The following TUBA4B variants were observed in gnomAD, a reference collection of about 807,000 sequenced individuals.
The protein encoded by TUBA4B is tubulin alpha 4b.
TUBA4B carries 13 observed loss-of-function variants against 18.4 expected under a neutral mutation model. That is an observed-to-expected ratio of 0.71 (90% confidence interval 0.46 to 1.12). The LOEUF (loss-of-function observed/expected upper bound fraction) is 1.12. TUBA4B is among the 50% of genes most tolerant of loss of function. The pLI is 0.00. For missense variants in TUBA4B, 244 were observed against 250.0 expected (o/e 0.98, Z 0.16); for synonymous variants, 101 against 99.1 (o/e 1.02, Z -0.11).
At chr2:219,263,924 T>A (rs1057058982) in intron 1 of TUBA4B, among the ~76,000 whole-genome samples, 1 of 152,188 alleles carries the variant, frequency 6.6e-6, no homozygotes, top group Non-Finnish European at 1.5e-5. Context: ...ACTTCCTGGA[T>A]AGGGTTGCTA....
At chr2:219,261,375 C>T (rs1951758724) in intron 1 of TUBA4B, among the ~76,000 whole-genome samples, 1 of 152,202 alleles carries the variant, frequency 6.6e-6, no homozygotes, top group South Asian at 2.1e-4. Flanking sequence ...AGCGCCCTAG[C>T]AGACTTCCCC....
intron 2 of TUBA4B, among the ~76,000 whole-genome samples, chr2:219,269,372 C>T (rs1279202636): frequency 6.6e-6 from 1 of 152,146 alleles, no homozygotes; most frequent in Non-Finnish European, 1.5e-5. Flanking sequence ...AGGCACTGAG[C>T]AAGAGTCTAT....
Position 219,272,110 on chromosome 2 carries a change from A to G in TUBA4B, c.*411A>G. ...AAGGAGGTGGGCATGGATAGTGTGG[A>G]GTGGGGGGAAGAAAAGATAGGGGGG... On this transcript the variant is annotated 3_prime_UTR_variant, in exon 4 of 4. Coordinates refer to ENST00000490341, the MANE Select transcript of TUBA4B (RefSeq NM_001355221.1). The G allele has an allele frequency of 1.2e-6, 1 of 859,254 alleles. No individual in the cohort carries two copies. 53.2% of individuals were successfully genotyped at this position (859,254 alleles called of 1,614,324 possible).
At chr2:219,253,512 G>A in intron 1 of TUBA4B, 93 bp downstream of exon 1, 1 of 1,079,042 alleles carries the variant, frequency 9.3e-7, no homozygotes, top group Non-Finnish European at 1.4e-6. Flanking sequence ...AGCCAAACCC[G>A]TCTTCTTTTG....
chr2:219,253,777 G>A (rs905974436), intron 1 of TUBA4B: 4 of 1,505,830 alleles, frequency 2.7e-6, no homozygotes, highest in African/African-American at 2.8e-5. Flanking sequence ...GGAGGTCCCC[G>A]AGCATGCCTG....
At chr2:219,253,770 G>A in intron 1 of TUBA4B, 1 of 1,472,828 alleles carries the variant, frequency 6.8e-7, no homozygotes. Context: ...GCCCGGTGGA[G>A]GTCCCCGAGC....
intron 1 of TUBA4B, among the ~76,000 whole-genome samples, chr2:219,257,393 A>C (rs1951728186): frequency 7.7e-6 from 1 of 129,056 alleles, no homozygotes; most frequent in African/African-American, 3.0e-5. Context: ...ATGTAATTCC[A>C]GCACTTTGGG....
Position 219,271,777 on chromosome 2 carries a change from G to A in TUBA4B, c.*78G>A. 6 of 1,608,582 alleles carry A rather than the reference G, an allele frequency of 3.7e-6. No individual in the cohort carries two copies. Among genetic ancestry groups the A allele is most frequent in the Admixed American group, 1.7e-5 (1 of 60,018 alleles). ...AGATGTGGTGCCCAAGGATGTCAAC[G>A]CTGCCATTGCTGCCATCAAGACCAA... On this transcript the variant is annotated 3_prime_UTR_variant, in exon 4 of 4. Coordinates refer to ENST00000490341, the MANE Select transcript of TUBA4B (RefSeq NM_001355221.1).
At chr2:219,257,756 G>T (rs1951730986) in intron 1 of TUBA4B, among the ~76,000 whole-genome samples, 1 of 151,030 alleles carries the variant, frequency 6.6e-6, no homozygotes, top group Non-Finnish European at 1.5e-5. Context: ...GGCAGAAGTT[G>T]TGGTGAGCCA....
intron 3 of TUBA4B, 86 bp downstream of exon 3, chr2:219,270,421 CAG>C: frequency 1.5e-6 from 1 of 674,500 alleles, no homozygotes; most frequent in Non-Finnish European, 2.7e-6. Context: ...TGGGGAAGGA[CAG>C]CTTCAGCCTC....
intron 1 of TUBA4B, among the ~76,000 whole-genome samples, chr2:219,264,944 T>C (rs1383981743): frequency 6.6e-6 from 1 of 152,174 alleles, no homozygotes; most frequent in East Asian, 1.9e-4. Flanking sequence ...CTATGGCCAC[T>C]GTTTAGCTGG....
At chr2:219,265,805 C>A (rs1951786041) in intron 1 of TUBA4B, among the ~76,000 whole-genome samples, 1 of 152,174 alleles carries the variant, frequency 6.6e-6, no homozygotes, top group African/African-American at 2.4e-5. Context: ...TAGGAAGTGC[C>A]TTGAGGCCCT....
At chr2:219,258,620 A>G (rs986714243) in intron 1 of TUBA4B, among the ~76,000 whole-genome samples, 1 of 152,004 alleles carries the variant, frequency 6.6e-6, no homozygotes, top group African/African-American at 2.4e-5. Context: ...ATGATTCACC[A>G]TGCCCAGCCC....
At chr2:219,253,997 G>A (rs548893546) in intron 1 of TUBA4B, 1 of 936,834 alleles carries the variant, frequency 1.1e-6, no homozygotes, top group East Asian at 3.3e-5. Flanking sequence ...CTAGAGGCTG[G>A]GCGGCCCGCA....
rs192657625 is a variant in TUBA4B at position 219,266,586 on chromosome 2, G to T, written c.58+20G>T. ...AGCATGGTGAGTAGAAGGGGCCTTG[G>T]GGGGACTGAGCATGCAAGTGAGGGT... On this transcript the variant is annotated intron_variant, in intron 2 of 3. Coordinates refer to ENST00000490341, the MANE Select transcript of TUBA4B (RefSeq NM_001355221.1). The T allele has an allele frequency of 1.8e-5, 13 of 702,748 alleles. No homozygotes were observed. Among genetic ancestry groups the T allele is most frequent in the Non-Finnish European group, 3.4e-5 (13 of 384,920 alleles). 43.5% of individuals were successfully genotyped at this position (702,748 alleles called of 1,614,324 possible). A position where few individuals can be genotyped will look rare whatever the true frequency, so the allele number is the denominator to read the frequency against.
chr2:219,266,233 C>G (rs890419192), intron 1 of TUBA4B: 2 of 387,640 alleles, frequency 5.2e-6, no homozygotes, highest in Non-Finnish European at 9.3e-6. Context: ...GCTGTGCCAC[C>G]AGGAAATGGG....
chr2:219,270,641 TTG>T (rs1951819629), intron 3 of TUBA4B, among the ~76,000 whole-genome samples: 1 of 138,978 alleles, frequency 7.2e-6, no homozygotes, highest in Non-Finnish European at 1.5e-5. Flanking sequence ...GAATACCACC[TTG>T]TGTTACAAGG....
At chr2:219,260,658 TC>T (rs1951754185) in intron 1 of TUBA4B, among the ~76,000 whole-genome samples, 2 of 152,176 alleles carry the variant, frequency 1.3e-5, no homozygotes, top group Admixed American at 1.3e-4. Context: ...GTGATCATCT[TC>T]CTTCCAAGTG....
intron 1 of TUBA4B, among the ~76,000 whole-genome samples, chr2:219,264,279 G>A (rs1368498867): frequency 1.3e-5 from 2 of 152,080 alleles, no homozygotes; most frequent in African/African-American, 4.8e-5. Context: ...GGCCAACATG[G>A]TGAAACACCA....
Sources: allele counts gnomAD v4.1 joint callset (sites outside exome capture counted in the v4.1 genomes callset), GRCh38; gene constraint gnomAD v4.1.1; transcripts MANE v1.5; gene names NCBI Gene and HGNC (gene_info 2026-07-23, HGNC 2026-07-21).